The following RIMS1 variants were observed in gnomAD, a reference collection of about 807,000 sequenced individuals.
RIMS1 encodes the protein regulating synaptic membrane exocytosis 1.
In RIMS1, 83 loss-of-function variants were observed where a neutral mutation model predicts 214.1. The ratio of observed to expected loss-of-function variants is 0.39; its 90% CI spans 0.32 to 0.47. RIMS1 has a LOEUF of 0.47. RIMS1 is among the 20% of genes least tolerant of loss of function. The pLI is 0.99. For synonymous variants in RIMS1, 793 were observed against 786.8 expected, an observed-to-expected ratio of 1.01 and a Z score of -0.13; for missense variants, 2,050 against 2,161.8, an observed-to-expected ratio of 0.95 and a Z score of 1.03.
chr6:71,895,284 A>G (rs1771326083), intron 1 of RIMS1, among the ~76,000 whole-genome samples: 2 of 152,226 alleles, frequency 1.3e-5, no homozygotes, highest in African/African-American at 4.8e-5. Context: ...TTTAATCTCA[A>G]GAATATATTT....
intron 2 of RIMS1, among the ~76,000 whole-genome samples, chr6:71,987,977 G>A (rs372175406): frequency 8.2e-4 from 125 of 152,168 alleles, no homozygotes; most frequent in African/African-American, 2.9e-3. Context: ...TACTCAAGGA[G>A]TTTCTAAGGA....
In RIMS1 at chr6:72,400,916, G is replaced by C. The variant is rs1265999499; in HGVS notation, c.*202G>C. On this transcript the variant is annotated 3_prime_UTR_variant, in exon 34 of 34. Transcript: ENST00000521978. ...ACAAGGCAATCTATCAAATTTACAG[G>C]AAGAATCAACATGCTGGTGAGAGTC... The C allele has an allele frequency of 5.6e-6, 3 of 536,898 alleles. No homozygotes were observed. Among genetic ancestry groups the C allele is most frequent in the Non-Finnish European group, 9.9e-6 (3 of 302,802 alleles). The allele number at this position is 536,898 out of a possible 1,614,324, so 33.3% of individuals were successfully genotyped here. A position where few individuals can be genotyped will look rare whatever the true frequency, so the allele number is the denominator to read the frequency against.
intron 1 of RIMS1, among the ~76,000 whole-genome samples, chr6:71,928,697 A>G (rs1782227903): frequency 6.6e-6 from 1 of 152,100 alleles, no homozygotes; most frequent in Non-Finnish European, 1.5e-5. Context: ...AGAGCACTGC[A>G]TACAGCTGTG....
intron 2 of RIMS1, among the ~76,000 whole-genome samples, chr6:72,074,667 A>G (rs137930060): frequency 1.1e-4 from 16 of 152,312 alleles, no homozygotes; most frequent in African/African-American, 3.6e-4. Flanking sequence ...CCTGCCTCCA[A>G]AGGGGAAAAA....
At chr6:71,926,229 C>A (rs1781530838) in intron 1 of RIMS1, among the ~76,000 whole-genome samples, 1 of 152,114 alleles carries the variant, frequency 6.6e-6, no homozygotes, top group Admixed American at 6.5e-5. Flanking sequence ...CTGCGCCCAG[C>A]CCTTCTGGTG....
intron 26 of RIMS1, among the ~76,000 whole-genome samples, chr6:72,298,648 C>A (rs2094328881): frequency 6.6e-6 from 1 of 151,968 alleles, no homozygotes; most frequent in Non-Finnish European, 1.5e-5. Flanking sequence ...GGTAAAAAAG[C>A]TGCTGTGAGG....
chr6:72,219,868 A>G (rs1386867858), intron 6 of RIMS1, among the ~76,000 whole-genome samples: 1 of 151,868 alleles, frequency 6.6e-6, no homozygotes, highest in African/African-American at 2.4e-5. Flanking sequence ...GATTATATAA[A>G]GTTTGTTATT....
chr6:72,037,895 G>C (rs748673238), intron 2 of RIMS1, among the ~76,000 whole-genome samples: 2 of 151,084 alleles, frequency 1.3e-5, no homozygotes, highest in Non-Finnish European at 2.9e-5. Context: ...AACAACTGAT[G>C]ACCTTTAACA....
intron 8 of RIMS1, among the ~76,000 whole-genome samples, chr6:72,236,878 C>G (rs1459707593): frequency 6.6e-6 from 1 of 151,666 alleles, no homozygotes; most frequent in Non-Finnish European, 1.5e-5. Flanking sequence ...GGCCCACTGA[C>G]AGCGGGTTGG....
At chr6:72,093,117 C>T (rs1243080167) in intron 2 of RIMS1, among the ~76,000 whole-genome samples, 2 of 151,472 alleles carry the variant, frequency 1.3e-5, no homozygotes, top group African/African-American at 2.4e-5. Flanking sequence ...GTAACCCCTC[C>T]GCCACTAGCT....
chr6:72,049,610 G>A (rs1824048269), intron 2 of RIMS1, among the ~76,000 whole-genome samples: 1 of 152,156 alleles, frequency 6.6e-6, no homozygotes, highest in South Asian at 2.1e-4. Flanking sequence ...GGTAAGGTCA[G>A]CAAACAACAT....
chr6:72,225,040 A>G lies in RIMS1; in HGVS notation c.1679-8733A>G, dbSNP rs140488293. ...GTCAAAGAATTTCCAACTTAAAAATAAAGTCCTTTAATGTATCTATAAATT... is the reference window on the plus strand; with the variant it reads ...GTCAAAGAATTTCCAACTTAAAAATGAAGTCCTTTAATGTATCTATAAATT... On this transcript the variant is annotated intron_variant, in intron 6 of 33. Transcript: ENST00000521978. 3.0e-3 allele frequency among the ~76,000 whole-genome samples: 451 copies of G among 152,360 alleles called. 1 individual carries two copies. The highest frequency in any genetic ancestry group is 3.6e-3 in the African/African-American group (151 of 41,584).
chr6:71,936,418 G>C (rs1784491352), intron 1 of RIMS1, among the ~76,000 whole-genome samples: 1 of 151,744 alleles, frequency 6.6e-6, no homozygotes, highest in Non-Finnish European at 1.5e-5. Context: ...CGAGTAAAAG[G>C]GTTCTGCACC....
At chr6:71,930,336 A>G (rs2150891961) in intron 1 of RIMS1, among the ~76,000 whole-genome samples, 1 of 152,180 alleles carries the variant, frequency 6.6e-6, no homozygotes, top group Non-Finnish European at 1.5e-5. Flanking sequence ...TATTTTTAAA[A>G]TTGACATAAC....
chr6:71,959,382 A>G (rs758819136), intron 1 of RIMS1, among the ~76,000 whole-genome samples: 1 of 152,146 alleles, frequency 6.6e-6, no homozygotes, highest in Non-Finnish European at 1.5e-5. Context: ...CTCTCAGTAG[A>G]TATTTATTCA....
chr6:72,364,621 C>T (rs9342944), intron 29 of RIMS1, among the ~76,000 whole-genome samples: 26,179 of 152,130 alleles, frequency 0.17, 2,770 homozygotes, highest in Non-Finnish European at 0.24. Context: ...TCAGGCTCCC[C>T]TAAAAACAGA....
chr6:72,001,382 T>G (rs1408000250), intron 2 of RIMS1, among the ~76,000 whole-genome samples: 4 of 152,192 alleles, frequency 2.6e-5, no homozygotes, highest in Non-Finnish European at 1.5e-5. Flanking sequence ...TCACATATAA[T>G]CTCATCCTCA....
intron 1 of RIMS1, among the ~76,000 whole-genome samples, chr6:71,939,983 T>C (rs886529437): frequency 1.3e-5 from 2 of 152,188 alleles, no homozygotes; most frequent in African/African-American, 4.8e-5. Flanking sequence ...TTAATAAAGT[T>C]CTCTGATTTT....
chr6:72,210,502 A>G (rs1055911393), intron 6 of RIMS1, among the ~76,000 whole-genome samples: 12 of 152,338 alleles, frequency 7.9e-5, no homozygotes, highest in Admixed American at 3.9e-4. Context: ...TGAGATCAAG[A>G]CATGGCAGAG....
Sources: allele counts gnomAD v4.1 joint callset (sites outside exome capture counted in the v4.1 genomes callset), GRCh38; gene constraint gnomAD v4.1.1; transcripts MANE v1.5; gene names NCBI Gene and HGNC (gene_info 2026-07-23, HGNC 2026-07-21).